Variants in NDE1 observed in about 807,000 individuals in gnomAD.
NDE1 encodes nudE neurodevelopment protein 1.
NDE1 carries 28 observed loss-of-function variants against 43.4 expected under a neutral mutation model. The observed-to-expected ratio is 0.65, with a 90% confidence interval of 0.48 to 0.89. The LOEUF (loss-of-function observed/expected upper bound fraction) is 0.89, where lower values mean the gene tolerates loss of function less well. Ranked by LOEUF, NDE1 falls within the 40% of genes least tolerant of loss-of-function variation. NDE1 has a pLI of 0.00. For missense variants in NDE1, 441 were observed against 434.1 expected, an observed-to-expected ratio of 1.02 and a Z score of -0.14; for synonymous variants, 184 against 172.0, an observed-to-expected ratio of 1.07 and a Z score of -0.55.
intron 8 of NDE1, among the ~76,000 whole-genome samples, chr16:15,700,783 C>G (rs1330373592): frequency 6.6e-6 from 1 of 151,928 alleles, no homozygotes; most frequent in Non-Finnish European, 1.5e-5. Flanking sequence ...TTTTAATGTC[C>G]CAAGTCTCCG....
chr16:15,704,138 A>G, intron 8 of NDE1: 2 of 1,613,782 alleles, frequency 1.2e-6, no homozygotes, highest in East Asian at 2.2e-5. Flanking sequence ...GGGTTGTAAG[A>G]AAACACATTA....
Position 15,664,788 on chromosome 16 carries a change from TC to T in NDE1, c.12del (p.Gly5GlufsTer19). ...TTCCCCTGTTTTCACAATGGAGGACTCCGGAAAGACTTTCAGCTCCGAGGAG... is the reference window on the plus strand; with the variant it reads ...TTCCCCTGTTTTCACAATGGAGGACTCGGAAAGACTTTCAGCTCCGAGGAG... MED[S>X]GKTFSSEEEE... is the part of the protein sequence containing the mutation. On this transcript the variant is annotated frameshift_variant, in exon 2 of 9. Coordinates refer to ENST00000396354, the MANE Select transcript of NDE1 (RefSeq NM_017668.3). LOFTEE classifies it high-confidence loss of function. 3.1e-6 allele frequency: 5 copies of T among 1,612,386 alleles called. No individual in the cohort carries two copies. Among genetic ancestry groups the T allele is most frequent in the Non-Finnish European group, 4.2e-6 (5 of 1,178,758 alleles).
At chr16:15,703,265 G>A (rs1456295323) in intron 8 of NDE1, 4 of 220,638 alleles carry the variant, frequency 1.8e-5, no homozygotes, top group African/African-American at 2.2e-5. Context: ...GAAGGCACTT[G>A]GTGAACTGTG....
intron 7 of NDE1, among the ~76,000 whole-genome samples, chr16:15,696,248 G>A (rs984697978): frequency 2.6e-5 from 4 of 151,558 alleles, no homozygotes. Context: ...GATTGCGGAT[G>A]CCTATAATTC....
chr16:15,708,857 A>C (rs775922381), intron 8 of NDE1: 2 of 1,608,750 alleles, frequency 1.2e-6, no homozygotes, highest in South Asian at 2.2e-5. Flanking sequence ...ACAGAGAGAG[A>C]ATCCCCGGAG....
intron 4 of NDE1, among the ~76,000 whole-genome samples, chr16:15,679,521 A>T (rs1204042643): frequency 6.6e-6 from 1 of 152,208 alleles, no homozygotes; most frequent in Non-Finnish European, 1.5e-5. Context: ...ATTATAGCAG[A>T]TGAAATATTG....
chr16:15,718,948 T>C (rs1001133620), intron 8 of NDE1: 8 of 465,542 alleles, frequency 1.7e-5, no homozygotes, highest in Non-Finnish European at 2.7e-5. Context: ...GCCAACATGG[T>C]GAAACCCCAC....
chr16:15,703,617 G>C lies in NDE1; in HGVS notation c.947+6757G>C, dbSNP rs1245104107. On this transcript the variant is annotated intron_variant, in intron 8 of 8. Coordinates refer to ENST00000396354, the MANE Select transcript of NDE1 (RefSeq NM_017668.3). The stretch of plus-strand genomic sequence containing the variant: ...GGTGGTGGTGGTGGTGGTTGAGACA[G>C]GGTCTCTGTTGCCCAGGCTGGAGTG... 5 of 395,112 alleles carry C rather than the reference G, an allele frequency of 1.3e-5. No individual in the cohort carries two copies. The highest frequency in any genetic ancestry group is 4.0e-5 in the Admixed American group (1 of 24,866). The allele number at this position is 395,112 out of a possible 1,614,324, so 24.5% of individuals were successfully genotyped here. A position where few individuals can be genotyped will look rare whatever the true frequency, so the allele number is the denominator to read the frequency against.
chr16:15,644,699 C>T (rs550312719), intron 1 of NDE1, among the ~76,000 whole-genome samples: 25 of 152,272 alleles, frequency 1.6e-4, no homozygotes, highest in African/African-American at 5.8e-4. Flanking sequence ...AGATGAAAAA[C>T]CCGTTTCTAG....
At chr16:15,718,531 C>G (rs997943870) in intron 8 of NDE1, 1 of 1,483,346 alleles carries the variant, frequency 6.7e-7, no homozygotes, top group Admixed American at 2.1e-5. Flanking sequence ...GTATTGCCCT[C>G]ATCATCTAAT....
intron 8 of NDE1, chr16:15,712,869 C>G (rs2039883479): frequency 1.0e-5 from 1 of 96,752 alleles, no homozygotes; most frequent in African/African-American, 4.3e-5. Context: ...GAACCAGCAA[C>G]TCTTCACATA....
At chr16:15,684,992 T>TCAGTC (rs1249376519) in intron 4 of NDE1, among the ~76,000 whole-genome samples, 8 of 152,208 alleles carry the variant, frequency 5.3e-5, no homozygotes, top group African/African-American at 1.9e-4. Context: ...ATCTTTCAAA[T>TCAGTC]CAGTCCAGTT....
Position 15,724,668 on chromosome 16 carries a change from G to A in NDE1, c.*417G>A, listed in dbSNP as rs374454281. The A allele has an allele frequency of 2.3e-4, 366 of 1,614,092 alleles. No individual in the cohort carries two copies. Among genetic ancestry groups the A allele is most frequent in the Non-Finnish European group, 2.9e-4 (346 of 1,180,054 alleles). On this transcript the variant is annotated 3_prime_UTR_variant, in exon 9 of 9. Coordinates refer to ENST00000396354, the MANE Select transcript of NDE1 (RefSeq NM_017668.3). The stretch of plus-strand genomic sequence containing the variant: ...GCACCTGGATGTTGAGAGTGGAGAT[G>A]TGGCGCTCCAGGTTCTGCTTGGCCT...
At position 15,667,281 on chromosome 16, in the gene NDE1, T is replaced by A; in HGVS notation, c.84-5T>A. Reference sequence around the variant, plus strand: ...ACTACGTGATGATTAACAATTTTGCTGTAGGGCAGAAAATACGCAAGAGGA... The same window carrying A: ...ACTACGTGATGATTAACAATTTTGCAGTAGGGCAGAAAATACGCAAGAGGA... On this transcript the variant is annotated splice_polypyrimidine_tract_variant and splice_region_variant and intron_variant, in intron 2 of 8. Coordinates refer to ENST00000396354, the MANE Select transcript of NDE1 (RefSeq NM_017668.3). 6.2e-7 allele frequency: 1 copy of A among 1,614,052 alleles called. No homozygotes were observed. The highest frequency in any genetic ancestry group is 8.5e-7 in the Non-Finnish European group (1 of 1,179,982).
chr16:15,719,693 T>C lies in NDE1; in HGVS notation c.948-4498T>C, dbSNP rs762733113. 51 of 1,614,080 alleles carry C rather than the reference T, an allele frequency of 3.2e-5. No individual in the cohort carries two copies. In the Admixed American group the frequency reaches 6.3e-4, roughly 20 times the overall value. ...AGGCACGGGCATCTTCCAGCTCTCT[T>C]TGAAAGTCCTTCATCTGAGCCTGCA... On this transcript the variant is annotated intron_variant, in intron 8 of 8. Coordinates refer to ENST00000396354, the MANE Select transcript of NDE1 (RefSeq NM_017668.3).
At chr16:15,657,879 G>C (rs1485225191) in intron 1 of NDE1, among the ~76,000 whole-genome samples, 2 of 152,216 alleles carry the variant, frequency 1.3e-5, no homozygotes, top group East Asian at 3.8e-4. Flanking sequence ...TGGGATTACA[G>C]GCATGAGCCA....
intron 4 of NDE1, chr16:15,686,830 G>C: frequency 5.6e-6 from 2 of 355,998 alleles, no homozygotes; most frequent in Non-Finnish European, 3.9e-6. Context: ...CTCCCAAGTA[G>C]CTGGGATTAC....
At chr16:15,682,718 CATTTT>C (rs893703787) in intron 4 of NDE1, among the ~76,000 whole-genome samples, 9 of 151,992 alleles carry the variant, frequency 5.9e-5, no homozygotes, top group African/African-American at 1.7e-4. Context: ...ATAAGTTTTT[CATTTT>C]ATTTTATTTA....
At chr16:15,719,138 A>T (rs543293445) in intron 8 of NDE1, 9 of 1,417,490 alleles carry the variant, frequency 6.3e-6, no homozygotes, top group Admixed American at 1.8e-5. Context: ...GAAAAAATTT[A>T]AAAAATAAAA....
Sources: allele counts gnomAD v4.1 joint callset (sites outside exome capture counted in the v4.1 genomes callset), GRCh38; gene constraint gnomAD v4.1.1; transcripts MANE v1.5; gene names NCBI Gene and HGNC (gene_info 2026-07-23, HGNC 2026-07-21).